PIEZO1: variants seen among roughly 807,000 people sequenced by gnomAD.
The protein encoded by PIEZO1 is piezo-type mechanosensitive ion channel component 1.
A neutral mutation model predicts 297.2 loss-of-function variants in PIEZO1; 296 were observed. The ratio of observed to expected loss-of-function variants is 1.00; its 90% CI spans 0.91 to 1.10. The LOEUF (loss-of-function observed/expected upper bound fraction) is 1.10, where lower values mean the gene tolerates loss of function less well. Ranked by LOEUF, PIEZO1 falls within the 50% of genes least tolerant of loss-of-function variation. PIEZO1 has a pLI of 0.00. For synonymous variants in PIEZO1, 2,427 were observed against 1,507.5 expected (o/e 1.61, Z -14.13); for missense variants, 5,018 against 3,455.5 (o/e 1.45, Z -11.34).
intron 1 of PIEZO1, among the ~76,000 whole-genome samples, chr16:88,760,704 G>A (rs1035301129): frequency 8.5e-5 from 13 of 152,164 alleles, no homozygotes; most frequent in African/African-American, 2.7e-4. Context: ...GGAGACACCC[G>A]CCTTTGACGC....
chr16:88,770,897 C>T (rs1907394858), intron 1 of PIEZO1, among the ~76,000 whole-genome samples: 1 of 152,222 alleles, frequency 6.6e-6, no homozygotes, highest in Non-Finnish European at 1.5e-5. Context: ...GGGCGAGGAG[C>T]TCTAACTATA....
intron 1 of PIEZO1, among the ~76,000 whole-genome samples, chr16:88,774,140 G>A (rs937294454): frequency 2.0e-5 from 3 of 152,190 alleles, no homozygotes; most frequent in South Asian, 2.1e-4. Context: ...GCTTCTAAGC[G>A]CATGACTGTC....
chr16:88,748,299 C>T (rs1906169552), intron 2 of PIEZO1, among the ~76,000 whole-genome samples: 1 of 7,740 alleles, frequency 1.3e-4, no homozygotes, highest in South Asian at 4.0e-3. Flanking sequence ...AACGTGGGCA[C>T]AAAATGGACA....
chr16:88,731,498 A>G, intron 22 of PIEZO1: 1 of 583,034 alleles, frequency 1.7e-6, no homozygotes, highest in Non-Finnish European at 3.1e-6. Context: ...AAAAGAGAAC[A>G]GCAGAGCCTG....
chr16:88,779,994 G>C (rs960906297), intron 1 of PIEZO1, among the ~76,000 whole-genome samples: 1 of 152,216 alleles, frequency 6.6e-6, no homozygotes, highest in African/African-American at 2.4e-5. Flanking sequence ...CGGCTGTGAA[G>C]CTTTTACGGT....
chr16:88,779,884 C>T (rs757584617), intron 1 of PIEZO1, among the ~76,000 whole-genome samples: 4 of 152,190 alleles, frequency 2.6e-5, no homozygotes, highest in African/African-American at 7.2e-5. Flanking sequence ...CACGATTGTG[C>T]GAGGAATTCT....
intron 27 of PIEZO1, chr16:88,725,909 A>G (rs1904391277): frequency 5.2e-6 from 3 of 571,432 alleles, no homozygotes; most frequent in South Asian, 2.2e-5. Flanking sequence ...GGTGGCACCC[A>G]CCCCACCACA....
chr16:88,757,674 G>A (rs574454645), intron 1 of PIEZO1, among the ~76,000 whole-genome samples: 2 of 152,268 alleles, frequency 1.3e-5, no homozygotes, highest in East Asian at 3.9e-4. Flanking sequence ...CCATGACCTG[G>A]GGGTTCCTGG....
chr16:88,773,993 A>C (rs1907544446), intron 1 of PIEZO1, among the ~76,000 whole-genome samples: 1 of 151,924 alleles, frequency 6.6e-6, no homozygotes, highest in African/African-American at 2.4e-5. Context: ...GCCACTGCTG[A>C]CCTTCAGAGA....
rs1004150462 is a variant in PIEZO1, at chr16:88,780,917, G to A, written c.64+3984C>T. ...AGTTGTAGGGAGCCAAAATCACGCCGCTACACTCCAGCCTGGGCGACAGAG... is the reference window on the plus strand; with the variant it reads ...AGTTGTAGGGAGCCAAAATCACGCCACTACACTCCAGCCTGGGCGACAGAG... On this transcript the variant is annotated intron_variant, in intron 1 of 50. Coordinates refer to ENST00000301015, the MANE Select transcript of PIEZO1 (RefSeq NM_001142864.4). 1.6e-4 allele frequency among the ~76,000 whole-genome samples: 25 copies of A among 152,300 alleles called. No individual in the cohort carries two copies. In the South Asian group the frequency reaches 1.7e-3, roughly 10 times the overall value.
In PIEZO1 at chr16:88,716,128, G is replaced by T; in HGVS notation, c.7130-9C>A. On this transcript the variant is annotated splice_polypyrimidine_tract_variant and intron_variant, in intron 49 of 50. Transcript: ENST00000301015. ...GTAGTCGGCCTCCTCATCTGGGATG[G>T]AGGGAGAAGATCGTTGAGGCCGCAG... The T allele has an allele frequency of 1.3e-6, 2 of 1,539,084 alleles. No homozygotes were observed. Among genetic ancestry groups the T allele is most frequent in the Non-Finnish European group, 1.8e-6 (2 of 1,138,918 alleles).
intron 22 of PIEZO1, chr16:88,727,940 G>A (rs1000981950): frequency 3.4e-5 from 10 of 289,890 alleles, no homozygotes; most frequent in Admixed American, 2.6e-4. Context: ...TGGCCCACAC[G>A]GCGTCATATT....
At chr16:88,720,346 C>G (rs770284369) in intron 41 of PIEZO1, 39 bp downstream of exon 41, 2 of 1,550,052 alleles carry the variant, frequency 1.3e-6, no homozygotes, top group African/African-American at 1.4e-5. Flanking sequence ...GGCTGCTGAG[C>G]TCTGCGTACA....
Position 88,715,568 on chromosome 16 carries a change from G to C in PIEZO1, c.*37C>G, listed in dbSNP as rs992893593. 5.2e-6 allele frequency: 8 copies of C among 1,537,518 alleles called. No homozygotes were observed. The African/African-American group carries it at 9.6e-5, about 18-fold the overall frequency. On this transcript the variant is annotated 3_prime_UTR_variant, in exon 51 of 51. Transcript: ENST00000301015. ...CCCCTTGTGGCCACGCTGCCCAGCA[G>C]GCCGGCTCCTTCCCTCTCGGGCGCC...
chr16:88,766,488 G>A (rs1907186941), intron 1 of PIEZO1, among the ~76,000 whole-genome samples: 1 of 152,226 alleles, frequency 6.6e-6, no homozygotes, highest in African/African-American at 2.4e-5. Flanking sequence ...TGTGGCCGAG[G>A]CCTGGGGACC....
In PIEZO1 at chr16:88,723,258, G is replaced by GCCTGCT. The variant is rs11281795; in HGVS notation, c.4400_4405dup (p.Glu1467_Gln1468dup). 0.1 allele frequency: 157,682 copies of GCCTGCT among 1,544,452 alleles called. 8,955 individuals are homozygous for GCCTGCT. Among genetic ancestry groups the GCCTGCT allele is most frequent in the African/African-American group, 0.21 (15,317 of 73,046 alleles). On this transcript the variant is annotated inframe_insertion, in exon 32 of 51. Transcript: ENST00000301015. ...TAGCTGTCCTGCCTGTTCCTGCCTTGCCTGCTCCTGCTCCTGCTGCCGCCG... is the reference window on the plus strand; with the variant it reads ...TAGCTGTCCTGCCTGTTCCTGCCTTGCCTGCTCCTGCTCCTGCTCCTGCTGCCGCCG...
chr16:88,732,778 C>T (rs1054736564), intron 19 of PIEZO1, 46 bp from the exon 20 acceptor site: 5 of 1,494,100 alleles, frequency 3.3e-6, no homozygotes, highest in Middle Eastern at 2.2e-4. Flanking sequence ...GCCACAGTGC[C>T]CCCTGGCCCT....
At chr16:88,739,507 G>A (rs8046320) in intron 5 of PIEZO1, 48,988 of 152,174 alleles carry the variant, frequency 0.32, 10,231 homozygotes, top group African/African-American at 0.57. Flanking sequence ...GGCGCCAGGT[G>A]CCCGGGCTGA....
In PIEZO1 at chr16:88,719,840, G is replaced by A. The variant is rs2142759531; in HGVS notation, c.6285C>T (p.Thr2095=). The change falls in exon 43 of 51, where the codon ACC becomes ACT. Residue 2095 remains threonine, a synonymous_variant. Coordinates refer to ENST00000301015, the MANE Select transcript of PIEZO1 (RefSeq NM_001142864.4). ...AGAGGTTGAGATGATTGTACTTCTT[G>A]GTGAGGAAGTTGCCGAGGATGCGGG... is the stretch of plus-strand genomic sequence containing the variant. ...YPTRILGNFL[T]KKYNHLNLFL... is the part of the protein sequence containing the mutation. 1.9e-6 allele frequency: 3 copies of A among 1,550,568 alleles called. No homozygotes were observed. Among genetic ancestry groups the A allele is most frequent in the East Asian group, 4.9e-5 (2 of 40,924 alleles).
Sources: gnomAD v4.1 joint callset for allele counts (sites outside exome capture counted in the v4.1 genomes callset) on GRCh38, gnomAD v4.1.1 for gene constraint, MANE v1.5 for transcripts, NCBI Gene and HGNC (gene_info 2026-07-23, HGNC 2026-07-21) for gene names.